VWC2L: variants seen among roughly 807,000 people sequenced by gnomAD.
The protein encoded by VWC2L is von Willebrand factor C domain-containing protein 2-like.
In VWC2L, 10 loss-of-function variants were observed where a neutral mutation model predicts 21.6. The observed-to-expected ratio is 0.46, with a 90% CI of 0.29 to 0.78. VWC2L has a LOEUF of 0.78. Among genes scored for constraint, VWC2L ranks in the 30% least tolerant of loss-of-function variants. The pLI is 0.10. For synonymous variants in VWC2L, 96 were observed against 94.3 expected (o/e 1.02, Z -0.10); for missense variants, 209 against 277.1 (o/e 0.75, Z 1.74).
At position 214,453,725 on chromosome 2, in the gene VWC2L, CT is replaced by C. The variant is rs33937313; in HGVS notation, c.520+16980del. Among the ~76,000 whole-genome samples, 173 of 142,462 alleles carry C rather than the reference CT, an allele frequency of 1.2e-3. 1 individual carries two copies. The highest frequency in any genetic ancestry group is 9.4e-3 in the South Asian group (43 of 4,564). The allele number at this position is 142,462 out of a possible 152,430, so 93.5% of individuals were successfully genotyped here. ...AGTTTTGTCCCAAAGAATTTTTTTT[CT>C]TTTTTTTTTTTTGAGATGGAGTCTC... On this transcript the variant is annotated intron_variant, in intron 3 of 3. Transcript: ENST00000312504.
intron 3 of VWC2L, among the ~76,000 whole-genome samples, chr2:214,531,580 C>T (rs954021726): frequency 6.6e-5 from 10 of 152,040 alleles, no homozygotes; most frequent in African/African-American, 2.2e-4. Context: ...GCTCTTCAGT[C>T]GGCAGATGTC....
chr2:214,527,030 A>T (rs75311572), intron 3 of VWC2L, among the ~76,000 whole-genome samples: 31,482 of 152,146 alleles, frequency 0.21, 3,816 homozygotes, highest in Admixed American at 0.26. Flanking sequence ...CGTGGTAGAA[A>T]ATATGGCACG....
At chr2:214,464,850 A>G (rs531104005) in intron 3 of VWC2L, among the ~76,000 whole-genome samples, 435 of 152,214 alleles carry the variant, frequency 2.9e-3, no homozygotes, top group African/African-American at 9.8e-3. Context: ...CCCAAGCCAC[A>G]TGACAGAGTC....
In VWC2L at chr2:214,513,784, G is replaced by T. The variant is rs1205496514; in HGVS notation, c.521-61888G>T. On this transcript the variant is annotated intron_variant, in intron 3 of 3. Transcript: ENST00000312504. Reference sequence around the variant, plus strand: ...AGAACCCTCTATACAAGGCAAGAGTGTCCTCTTAGCACCCCTCACAAGTGC... The same window carrying T: ...AGAACCCTCTATACAAGGCAAGAGTTTCCTCTTAGCACCCCTCACAAGTGC... Among the ~76,000 whole-genome samples, 7 of 152,118 alleles carry T rather than the reference G, an allele frequency of 4.6e-5. No homozygotes were observed. The East Asian group carries it at 1.2e-3, about 25-fold the overall frequency.
Position 214,526,071 on chromosome 2 carries a change from A to T in VWC2L, c.521-49601A>T, listed in dbSNP as rs1008867301. 7.9e-4 allele frequency among the ~76,000 whole-genome samples: 119 copies of T among 150,644 alleles called. 1 individual carries two copies. The highest frequency in any genetic ancestry group is 2.8e-3 in the African/African-American group (117 of 41,328). ...TTTCCCAGTCATACCAAAAATAAAT[A>T]ACATATATTATTAATATATTTTTAT... On this transcript the variant is annotated intron_variant, in intron 3 of 3. Transcript: ENST00000312504.
intron 3 of VWC2L, among the ~76,000 whole-genome samples, chr2:214,545,245 T>A (rs1689687266): frequency 6.6e-6 from 1 of 152,186 alleles, no homozygotes; most frequent in Non-Finnish European, 1.5e-5. Context: ...TACAAGGTAC[T>A]TTAGGAGCAC....
intron 3 of VWC2L, among the ~76,000 whole-genome samples, chr2:214,527,178 T>C (rs1176082841): frequency 2.6e-5 from 4 of 152,118 alleles, no homozygotes; most frequent in Non-Finnish European, 5.9e-5. Context: ...TCCTCACTTA[T>C]AAGTGGGAGT....
intron 3 of VWC2L, among the ~76,000 whole-genome samples, chr2:214,571,712 G>A (rs746417105): frequency 1.8e-4 from 27 of 152,088 alleles, no homozygotes; most frequent in African/African-American, 3.4e-4. Flanking sequence ...AGATAAGACC[G>A]ATATTCTCTC....
At chr2:214,447,006 C>A (rs961646975) in intron 3 of VWC2L, among the ~76,000 whole-genome samples, 10 of 152,038 alleles carry the variant, frequency 6.6e-5, no homozygotes, top group African/African-American at 2.2e-4. Context: ...TCTTCATTTA[C>A]GGTTTTTATA....
intron 3 of VWC2L, among the ~76,000 whole-genome samples, chr2:214,529,776 C>T (rs75955668): frequency 0.027 from 4,106 of 152,226 alleles, 181 homozygotes; most frequent in African/African-American, 0.092. Flanking sequence ...GGAAGTCAAA[C>T]GGTCACTATG....
chr2:214,457,109 A>G (rs1230025606), intron 3 of VWC2L, among the ~76,000 whole-genome samples: 1 of 151,982 alleles, frequency 6.6e-6, no homozygotes, highest in African/African-American at 2.4e-5. Flanking sequence ...GAAAAATGTT[A>G]TTTGTATTTT....
chr2:214,437,668 C>T (rs935105970), intron 3 of VWC2L, among the ~76,000 whole-genome samples: 1 of 152,156 alleles, frequency 6.6e-6, no homozygotes, highest in South Asian at 2.1e-4. Context: ...CAATGGCCAT[C>T]TTTCTCTATT....
At chr2:214,495,796 G>A (rs1688804011) in intron 3 of VWC2L, among the ~76,000 whole-genome samples, 1 of 152,090 alleles carries the variant, frequency 6.6e-6, no homozygotes, top group Non-Finnish European at 1.5e-5. Flanking sequence ...TTACACATAA[G>A]GATATATGCT....
intron 3 of VWC2L, among the ~76,000 whole-genome samples, chr2:214,545,506 A>G (rs2105922748): frequency 6.6e-6 from 1 of 152,330 alleles, no homozygotes; most frequent in East Asian, 1.9e-4. Flanking sequence ...AGTATCTGTG[A>G]CAGTAATATT....
chr2:214,521,075 A>C lies in VWC2L; in HGVS notation c.521-54597A>C, dbSNP rs369609394. On this transcript the variant is annotated intron_variant, in intron 3 of 3. Transcript: ENST00000312504. ...CATCTCTACTAAACAAATACAAAAA[A>C]TTAGCCCGGTGTGGTGGTGGGAGCC... 2.6e-5 allele frequency among the ~76,000 whole-genome samples: 4 copies of C among 151,608 alleles called. No homozygotes were observed. In the East Asian group the frequency reaches 5.8e-4, roughly 22 times the overall value.
chr2:214,456,266 T>C (rs1470551612), intron 3 of VWC2L, among the ~76,000 whole-genome samples: 1 of 152,200 alleles, frequency 6.6e-6, no homozygotes, highest in Non-Finnish European at 1.5e-5. Context: ...CATTGGGTTT[T>C]GACTTGAATT....
intron 3 of VWC2L, among the ~76,000 whole-genome samples, chr2:214,563,708 T>A (rs137966612): frequency 0.018 from 2,732 of 152,028 alleles, 47 homozygotes; most frequent in Admixed American, 0.057. Context: ...TAAAAGCCAT[T>A]TATGACAAAC....
At chr2:214,540,699 A>G (rs1689612940) in intron 3 of VWC2L, among the ~76,000 whole-genome samples, 1 of 152,204 alleles carries the variant, frequency 6.6e-6, no homozygotes, top group Admixed American at 6.6e-5. Flanking sequence ...CAGAGAAATT[A>G]ATTTGTTCTC....
intron 2 of VWC2L, among the ~76,000 whole-genome samples, chr2:214,421,968 C>T (rs539062037): frequency 7.3e-6 from 1 of 137,410 alleles, no homozygotes; most frequent in Non-Finnish European, 1.5e-5. Flanking sequence ...CTCGACTCTG[C>T]AAGCTCCGCC....
Sources: allele counts gnomAD v4.1 joint callset (sites outside exome capture counted in the v4.1 genomes callset), GRCh38; gene constraint gnomAD v4.1.1; transcripts MANE v1.5; gene names NCBI Gene and HGNC (gene_info 2026-07-23, HGNC 2026-07-21).